SRBD1: variants seen among roughly 807,000 people sequenced by gnomAD.
SRBD1 encodes S1 RNA binding domain 1.
In SRBD1, 88 loss-of-function variants were observed where a neutral mutation model predicts 115.3. The observed-to-expected ratio is 0.76, with a 90% CI of 0.64 to 0.91. The LOEUF (loss-of-function observed/expected upper bound fraction) is 0.91, where lower values mean the gene tolerates loss of function less well. Among genes scored for constraint, SRBD1 ranks in the 40% least tolerant of loss-of-function variants. The pLI is 0.00. For missense variants in SRBD1, 1,385 were observed against 1,177.4 expected (o/e 1.18, Z -2.58); for synonymous variants, 509 against 407.7 (o/e 1.25, Z -2.99).
intron 16 of SRBD1, among the ~76,000 whole-genome samples, chr2:45,475,039 T>A (rs1323146559): frequency 6.6e-6 from 1 of 152,218 alleles, no homozygotes; most frequent in Non-Finnish European, 1.5e-5. Flanking sequence ...GCTATTTTTT[T>A]AAATCTCAGA....
intron 14 of SRBD1, among the ~76,000 whole-genome samples, chr2:45,504,342 A>C (rs978117979): frequency 2.6e-5 from 4 of 152,128 alleles, no homozygotes; most frequent in Non-Finnish European, 5.9e-5. Flanking sequence ...TTCCCAAAAA[A>C]ATGACTTTTA....
At chr2:45,492,716 G>A (rs1163526414) in intron 14 of SRBD1, among the ~76,000 whole-genome samples, 1 of 152,162 alleles carries the variant, frequency 6.6e-6, no homozygotes, top group Non-Finnish European at 1.5e-5. Flanking sequence ...TGGGATTACA[G>A]GCGCAAGCCA....
intron 3 of SRBD1, 150 bp from the exon 4 acceptor site, chr2:45,599,985 C>CA (rs1674042253): frequency 3.2e-6 from 3 of 947,050 alleles, no homozygotes; most frequent in Non-Finnish European, 4.6e-6. Flanking sequence ...GAAAAAAAGC[C>CA]AATCTCAAAG....
intron 14 of SRBD1, among the ~76,000 whole-genome samples, chr2:45,544,697 T>C (rs1672053168): frequency 6.6e-6 from 1 of 152,196 alleles, no homozygotes; most frequent in Non-Finnish European, 1.5e-5. Flanking sequence ...AAACTTTATG[T>C]AAGTTTATTA....
chr2:45,419,743 G>A, intron 17 of SRBD1, 45 bp downstream of exon 17: 5 of 1,573,734 alleles, frequency 3.2e-6, no homozygotes, highest in Non-Finnish European at 4.4e-6. Flanking sequence ...TGGACAGCCA[G>A]TTAAACTCAA....
intron 14 of SRBD1, among the ~76,000 whole-genome samples, chr2:45,512,308 C>T (rs1670994573): frequency 6.6e-6 from 1 of 152,166 alleles, no homozygotes; most frequent in South Asian, 2.1e-4. Context: ...ATTTGCATGA[C>T]TTGAATACTA....
At chr2:45,410,370 C>T (rs930375795) in intron 19 of SRBD1, among the ~76,000 whole-genome samples, 2 of 152,058 alleles carry the variant, frequency 1.3e-5, no homozygotes, top group Non-Finnish European at 2.9e-5. Context: ...CAATTCCTCT[C>T]GTATGTATTT....
Position 45,480,666 on chromosome 2 carries a change from G to A in SRBD1, c.1967-3591C>T, listed in dbSNP as rs1308963080. ...TGGTGAAGATGCTATGAACGTTGTG[G>A]AAATGATAAAAGATATCAAATATTA... On this transcript the variant is annotated intron_variant, in intron 15 of 20. Transcript: ENST00000263736. Among the ~76,000 whole-genome samples, 18 of 152,256 alleles carry A rather than the reference G, an allele frequency of 1.2e-4. No homozygotes were observed. In the South Asian group the frequency reaches 3.7e-3, roughly 32 times the overall value.
intron 19 of SRBD1, among the ~76,000 whole-genome samples, chr2:45,403,772 C>T (rs1203047595): frequency 6.6e-6 from 1 of 152,064 alleles, no homozygotes; most frequent in Non-Finnish European, 1.5e-5. Flanking sequence ...AGGGGTACAT[C>T]AAAAGCAGCT....
intron 18 of SRBD1, among the ~76,000 whole-genome samples, chr2:45,414,696 A>ACAG (rs1491339030): frequency 7.4e-6 from 1 of 135,222 alleles, no homozygotes; most frequent in African/African-American, 2.7e-5. Flanking sequence ...ACACACACAC[A>ACAG]TAGTGTGTAT....
chr2:45,458,703 C>T (rs560055220), intron 16 of SRBD1, among the ~76,000 whole-genome samples: 9 of 152,184 alleles, frequency 5.9e-5, no homozygotes, highest in African/African-American at 9.6e-5. Context: ...GCAGTGGAGT[C>T]TACAAGAGAG....
chr2:45,464,787 G>A (rs939235621), intron 16 of SRBD1, among the ~76,000 whole-genome samples: 5 of 152,010 alleles, frequency 3.3e-5, no homozygotes, highest in East Asian at 3.9e-4. Flanking sequence ...ATATTTTCAG[G>A]TAACTGAAGT....
At chr2:45,420,217 A>G (rs1572620659) in intron 16 of SRBD1, among the ~76,000 whole-genome samples, 1 of 152,342 alleles carries the variant, frequency 6.6e-6, no homozygotes, top group East Asian at 1.9e-4. Flanking sequence ...CCACATCCAG[A>G]TTCCTGATTC....
chr2:45,394,084 G>A (rs996573744), intron 19 of SRBD1, among the ~76,000 whole-genome samples: 3 of 152,066 alleles, frequency 2.0e-5, no homozygotes, highest in African/African-American at 7.2e-5. Context: ...CTTCCAAAAT[G>A]GAAGCAGGTA....
intron 14 of SRBD1, among the ~76,000 whole-genome samples, chr2:45,513,736 A>C (rs1217693802): frequency 6.6e-6 from 1 of 152,154 alleles, no homozygotes; most frequent in Non-Finnish European, 1.5e-5. Flanking sequence ...ATGCTGAAAA[A>C]AAGATGAAAA....
At chr2:45,557,500 T>C (rs1414496751) in intron 10 of SRBD1, among the ~76,000 whole-genome samples, 2 of 152,200 alleles carry the variant, frequency 1.3e-5, no homozygotes, top group African/African-American at 4.8e-5. Flanking sequence ...CTCCCCTTCC[T>C]GGAACAGAGA....
intron 14 of SRBD1, among the ~76,000 whole-genome samples, chr2:45,545,062 C>A (rs1315437925): frequency 6.6e-6 from 1 of 151,794 alleles, no homozygotes. Flanking sequence ...AGGCGGATCA[C>A]GAGGTTAAGA....
At chr2:45,580,966 A>T (rs1035274658) in intron 6 of SRBD1, among the ~76,000 whole-genome samples, 3 of 151,978 alleles carry the variant, frequency 2.0e-5, no homozygotes, top group African/African-American at 7.3e-5. Context: ...TACAGGCTTG[A>T]GCCACCGCGC....
At chr2:45,574,600 A>G in intron 8 of SRBD1, 27 bp downstream of exon 8, 2 of 1,603,096 alleles carry the variant, frequency 1.2e-6, no homozygotes, top group East Asian at 2.2e-5. Context: ...TCCATAAAGC[A>G]GAAAACTCCA....
Sources: gnomAD v4.1 joint callset for allele counts (sites outside exome capture counted in the v4.1 genomes callset) on GRCh38, gnomAD v4.1.1 for gene constraint, MANE v1.5 for transcripts, NCBI Gene and HGNC (gene_info 2026-07-23, HGNC 2026-07-21) for gene names.